Variants in ITFG1 observed in about 807,000 individuals in gnomAD.
ITFG1 encodes the protein integrin alpha FG-GAP repeat containing 1, also known as T-cell immunomodulatory protein.
ITFG1 carries 34 observed loss-of-function variants against 81.8 expected under a neutral mutation model. The ratio of observed to expected loss-of-function variants is 0.42; its 90% CI spans 0.32 to 0.55. The LOEUF (loss-of-function observed/expected upper bound fraction) is 0.55. ITFG1 is among the 20% of genes least tolerant of loss of function. The probability of loss-of-function intolerance (pLI) is 0.17; values close to 1 mark genes in which losing one functional copy is unlikely to be tolerated. For synonymous variants in ITFG1, 285 were observed against 270.6 expected, an observed-to-expected ratio of 1.05 and a Z score of -0.52; for missense variants, 672 against 755.4, an observed-to-expected ratio of 0.89 and a Z score of 1.29.
chr16:47,370,105 G>A (rs1002773487), intron 7 of ITFG1, among the ~76,000 whole-genome samples: 3 of 152,084 alleles, frequency 2.0e-5, no homozygotes, highest in Admixed American at 1.3e-4. Context: ...CTTCCAAAGT[G>A]CTGGGATTAC....
rs532678041 is a variant in ITFG1, at chr16:47,174,583, C to T, written c.1454-11919G>A. Among the ~76,000 whole-genome samples, 26 of 152,102 alleles carry T rather than the reference C, an allele frequency of 1.7e-4. 1 individual carries two copies. The highest frequency in any genetic ancestry group is 1.5e-3 in the Admixed American group (23 of 15,284). On this transcript the variant is annotated intron_variant, in intron 14 of 17. Transcript: ENST00000320640. ...TTGCCCAGGCTGGAGTGCAGTGGTA[C>T]GATCTCGGCTCAGTGCAGCCTCCGC... is the stretch of plus-strand genomic sequence containing the variant.
At chr16:47,155,847 A>G in intron 17 of ITFG1, 69 bp from the exon 18 acceptor site, 1 of 1,116,730 alleles carries the variant, frequency 9.0e-7, no homozygotes, top group Non-Finnish European at 1.3e-6. Context: ...TTTCTGAAAT[A>G]CACAGTGATT....
In ITFG1 at chr16:47,260,524, A is replaced by G. The variant is rs545162694; in HGVS notation, c.1221+21T>C. On this transcript the variant is annotated intron_variant, in intron 11 of 17. Coordinates refer to ENST00000320640, the MANE Select transcript of ITFG1 (RefSeq NM_030790.5). ...TGAAAGGCAATTAAACTTCAAACAC[A>G]CAGCCCAGCTCTGAACTCACATCTT... The G allele has an allele frequency of 2.6e-4, 418 of 1,610,116 alleles. 3 individuals carry two copies. In the South Asian group the frequency reaches 2.9e-3, roughly 11 times the overall value.
At chr16:47,332,680 A>G (rs1967651608) in intron 8 of ITFG1, among the ~76,000 whole-genome samples, 1 of 152,226 alleles carries the variant, frequency 6.6e-6, no homozygotes. Context: ...GGAGGCCCAG[A>G]AAGGTTAAGC....
At chr16:47,326,007 C>T (rs1967534049) in intron 8 of ITFG1, among the ~76,000 whole-genome samples, 1 of 152,206 alleles carries the variant, frequency 6.6e-6, no homozygotes, top group East Asian at 1.9e-4. Context: ...CAATGCCTGG[C>T]AGAGACACAA....
intron 1 of ITFG1, among the ~76,000 whole-genome samples, chr16:47,459,431 C>G (rs560298301): frequency 5.3e-5 from 8 of 152,278 alleles, no homozygotes; most frequent in African/African-American, 1.9e-4. Flanking sequence ...AAACTGAAGC[C>G]AGTGGATTCT....
At chr16:47,249,933 C>T (rs536509816) in intron 12 of ITFG1, among the ~76,000 whole-genome samples, 60 of 152,268 alleles carry the variant, frequency 3.9e-4, no homozygotes, top group African/African-American at 1.3e-3. Context: ...AGTTAAATAG[C>T]CAAAGCTGTA....
At chr16:47,396,118 T>C in intron 6 of ITFG1, 2 of 973,688 alleles carry the variant, frequency 2.1e-6, no homozygotes, top group Non-Finnish European at 2.4e-6. Context: ...CCTTTCCATT[T>C]TCTTAAGTAT....
At chr16:47,452,451 T>C (rs765306189) in intron 4 of ITFG1, among the ~76,000 whole-genome samples, 13 of 152,172 alleles carry the variant, frequency 8.5e-5, no homozygotes, top group Non-Finnish European at 1.8e-4. Flanking sequence ...ACAGTTTTAC[T>C]CAAAAACAGG....
rs754433232 is a variant in ITFG1 at position 47,162,664 on chromosome 16, G to C, written c.1454C>G (p.Ala485Gly). The change falls in exon 15 of 18, where the codon GCT (alanine) becomes GGT (glycine). Residue 485 changes from alanine to glycine, a missense_variant and splice_region_variant. Ala to Gly is a moderately conservative substitution (Grantham distance 60). Transcript: ENST00000320640. ...DANGYLKNGS[A>G]GQLSQSAHLA... ...ATGTGCGGATTGGCTGAGTTGGCCA[G>C]CTAGAGTTATTCAATTAAAAAAAAA... 1 of 1,585,482 alleles carries C rather than the reference G, an allele frequency of 6.3e-7. No homozygotes were observed.
At chr16:47,458,447 C>A (rs1969480475) in intron 2 of ITFG1, among the ~76,000 whole-genome samples, 2 of 152,148 alleles carry the variant, frequency 1.3e-5, no homozygotes, top group Admixed American at 6.5e-5. Flanking sequence ...GCCCCTTTGG[C>A]CTGCACTGAC....
chr16:47,441,488 C>G (rs373765920), intron 5 of ITFG1, among the ~76,000 whole-genome samples: 1 of 152,072 alleles, frequency 6.6e-6, no homozygotes, highest in African/African-American at 2.4e-5. Context: ...ACCATGATCA[C>G]GTGGGCTTCA....
chr16:47,188,233 T>C (rs1031682068), intron 14 of ITFG1, among the ~76,000 whole-genome samples: 1 of 151,942 alleles, frequency 6.6e-6, no homozygotes, highest in Non-Finnish European at 1.5e-5. Context: ...GAACTAGAAA[T>C]ACCATTTGAC....
chr16:47,264,351 A>C (rs1966248565), intron 10 of ITFG1, among the ~76,000 whole-genome samples: 1 of 152,110 alleles, frequency 6.6e-6, no homozygotes. Flanking sequence ...CTGACTGAAG[A>C]CTTTTGATCC....
At chr16:47,288,034 T>C (rs1013555016) in intron 10 of ITFG1, among the ~76,000 whole-genome samples, 1 of 152,216 alleles carries the variant, frequency 6.6e-6, no homozygotes, top group Non-Finnish European at 1.5e-5. Context: ...CTAGGAGAAA[T>C]GGTCCTGCTG....
intron 5 of ITFG1, among the ~76,000 whole-genome samples, chr16:47,444,370 T>G (rs2151615965): frequency 6.6e-6 from 1 of 152,332 alleles, no homozygotes; most frequent in African/African-American, 2.4e-5. Context: ...AGCTCTTCAG[T>G]AAATTTATGT....
At chr16:47,301,431 A>T in intron 10 of ITFG1, among the ~76,000 whole-genome samples, 1 of 145,454 alleles carries the variant, frequency 6.9e-6, no homozygotes, top group Non-Finnish European at 1.5e-5. Context: ...TTGAGATGGC[A>T]CTGTCGCCCA....
intron 14 of ITFG1, among the ~76,000 whole-genome samples, chr16:47,166,822 C>T (rs1211960318): frequency 4.0e-5 from 6 of 151,618 alleles, no homozygotes; most frequent in Non-Finnish European, 8.8e-5. Flanking sequence ...ATACAGAATA[C>T]TGGATCAAAG....
chr16:47,288,015 T>C (rs141683790), intron 10 of ITFG1, among the ~76,000 whole-genome samples: 27 of 152,222 alleles, frequency 1.8e-4, no homozygotes, highest in African/African-American at 6.3e-4. Context: ...CCTAGTTGCA[T>C]CCTGTAGACT....
Sources: gnomAD v4.1 joint callset for allele counts (sites outside exome capture counted in the v4.1 genomes callset) on GRCh38, gnomAD v4.1.1 for gene constraint, MANE v1.5 for transcripts, NCBI Gene and HGNC (gene_info 2026-07-23, HGNC 2026-07-21) for gene names.